The following STPG1 variants were observed in gnomAD, a reference collection of about 807,000 sequenced individuals.
The protein encoded by STPG1 is O(6)-methylguanine-induced apoptosis 2.
Under a neutral mutation model 40.1 loss-of-function variants are expected in STPG1, and 33 were observed. The ratio of observed to expected loss-of-function variants is 0.82; its 90% CI spans 0.62 to 1.10. The LOEUF is 1.10. Ranked by LOEUF, STPG1 falls within the 50% of genes least tolerant of loss-of-function variation. STPG1 has a pLI of 0.00. For missense variants in STPG1, 396 were observed against 415.1 expected, an observed-to-expected ratio of 0.95 and a Z score of 0.40; for synonymous variants, 150 against 155.0, an observed-to-expected ratio of 0.97 and a Z score of 0.24.
At chr1:24,401,861 A>G (rs1175720025) in intron 1 of STPG1, among the ~76,000 whole-genome samples, 1 of 151,936 alleles carries the variant, frequency 6.6e-6, no homozygotes, top group African/African-American at 2.4e-5. Flanking sequence ...TGTAATTTGT[A>G]TTTTTAGCAG....
chr1:24,360,766 T>C (rs964116603), intron 8 of STPG1, 85 bp downstream of exon 8: 14 of 1,267,520 alleles, frequency 1.1e-5, no homozygotes, highest in Non-Finnish European at 1.3e-5. Context: ...AAACAACCTA[T>C]AAATCAATGG....
intron 1 of STPG1, among the ~76,000 whole-genome samples, chr1:24,406,137 T>A (rs1570103342): frequency 6.6e-6 from 1 of 152,098 alleles, no homozygotes; most frequent in Non-Finnish European, 1.5e-5. Context: ...TTGTCTCTTT[T>A]TTTTGGATCT....
chr1:24,377,187 G>A (rs1354713577), intron 5 of STPG1, among the ~76,000 whole-genome samples: 1 of 152,020 alleles, frequency 6.6e-6, no homozygotes, highest in African/African-American at 2.4e-5. Context: ...TTGGGGAGGC[G>A]GAGGTTGCAG....
intron 1 of STPG1, among the ~76,000 whole-genome samples, chr1:24,408,715 A>C (rs1335346433): frequency 2.0e-5 from 3 of 152,214 alleles, no homozygotes; most frequent in Admixed American, 2.0e-4. Flanking sequence ...GCAAGGGCAC[A>C]ATTTAATTTC....
chr1:24,391,442 C>A lies in STPG1; in HGVS notation c.189+119G>T, dbSNP rs2148705300. 6.6e-6 allele frequency: 4 copies of A among 606,446 alleles called. No individual in the cohort carries two copies. In the East Asian group the frequency reaches 1.2e-4, roughly 18 times the overall value. 37.6% of individuals were successfully genotyped at this position (606,446 alleles called of 1,614,324 possible). On this transcript the variant is annotated intron_variant, in intron 3 of 8. Transcript: ENST00000337248. ...CTCAGTGGAGCTGGTGCCGCGGCTC[C>A]TGGGAGCACACTGCCCTCCACTGTC...
intron 7 of STPG1, among the ~76,000 whole-genome samples, chr1:24,367,193 C>T (rs532224848): frequency 6.6e-6 from 1 of 152,162 alleles, no homozygotes; most frequent in Admixed American, 6.5e-5. Flanking sequence ...TGGCTGGAGG[C>T]GTGGTGTCCT....
At position 24,360,889 on chromosome 1, in the gene STPG1, C is replaced by G; in HGVS notation, c.890G>C (p.Trp297Ser). ...GCCTGGCTGAGGCGGCGCCGCTGTCCACCGGCTGGTATTGGACACGAATGA... is the reference window on the plus strand; with the variant it reads ...GCCTGGCTGAGGCGGCGCCGCTGTCGACCGGCTGGTATTGGACACGAATGA... ...SASFVSNTSR[W>S]TAAPPQPGLP... is the part of the protein sequence containing the mutation. The change falls in exon 8 of 9, where the codon TGG becomes TCG. Residue 297 changes from tryptophan to serine, a missense_variant. Trp to Ser is a radical substitution (Grantham distance 177). Coordinates refer to ENST00000337248, the MANE Select transcript of STPG1 (RefSeq NM_001199013.2). The G allele has an allele frequency of 6.2e-7, 1 of 1,613,594 alleles. No individual in the cohort carries two copies. Among genetic ancestry groups the G allele is most frequent in the Non-Finnish European group, 8.5e-7 (1 of 1,179,816 alleles).
chr1:24,384,950 CACA>C (rs1642441163), intron 3 of STPG1, among the ~76,000 whole-genome samples: 1 of 152,194 alleles, frequency 6.6e-6, no homozygotes, highest in East Asian at 1.9e-4. Flanking sequence ...GTTTACTCCT[CACA>C]ACAAGCCTTT....
rs188812225 is a variant in STPG1 at position 24,358,470 on chromosome 1, C to T, written c.*73G>A. ...TGCCACACTCATGATCGGTCTCCTC[C>T]TGAGGAATGTCCTGGGGACGCTGGG... On this transcript the variant is annotated 3_prime_UTR_variant, in exon 9 of 9. Coordinates refer to ENST00000337248, the MANE Select transcript of STPG1 (RefSeq NM_001199013.2). 1.5e-6 allele frequency: 2 copies of T among 1,299,880 alleles called. No individual in the cohort carries two copies. The highest frequency in any genetic ancestry group is 2.9e-5 in the African/African-American group (2 of 68,678). The allele number at this position is 1,299,880 out of a possible 1,614,324, so 80.5% of individuals were successfully genotyped here.
chr1:24,381,542 T>C (rs1403339418), intron 4 of STPG1, among the ~76,000 whole-genome samples: 1 of 152,244 alleles, frequency 6.6e-6, no homozygotes, highest in Non-Finnish European at 1.5e-5. Context: ...ACCTGCCTCA[T>C]ACACTTCTCC....
intron 2 of STPG1, among the ~76,000 whole-genome samples, chr1:24,396,570 TAAAC>T (rs1169245121): frequency 6.6e-6 from 1 of 152,226 alleles, no homozygotes; most frequent in Admixed American, 6.5e-5. Context: ...AGACAATACA[TAAAC>T]AAACTGGGGT....
chr1:24,388,502 G>C (rs982235823), intron 3 of STPG1, among the ~76,000 whole-genome samples: 1 of 152,202 alleles, frequency 6.6e-6, no homozygotes, highest in African/African-American at 2.4e-5. Context: ...GATTCTCATG[G>C]GGAATGTGAG....
intron 4 of STPG1, among the ~76,000 whole-genome samples, chr1:24,382,228 T>A (rs1288643831): frequency 6.6e-6 from 1 of 152,232 alleles, no homozygotes; most frequent in Non-Finnish European, 1.5e-5. Context: ...TCGTGTCCTC[T>A]GATTCAGTCT....
intron 5 of STPG1, among the ~76,000 whole-genome samples, chr1:24,374,323 A>C (rs1438734383): frequency 7.9e-6 from 1 of 126,534 alleles, no homozygotes; most frequent in African/African-American, 3.2e-5. Context: ...CAGTGGCGAG[A>C]TCTCCACTCA....
intron 1 of STPG1, among the ~76,000 whole-genome samples, chr1:24,404,536 G>A (rs1006126901): frequency 1.2e-4 from 18 of 152,152 alleles, no homozygotes; most frequent in Admixed American, 3.3e-4. Context: ...AAGTTAAGCC[G>A]TCTGGGCCTG....
rs1445864436 is a variant in STPG1, at chr1:24,379,673, G to T, written c.442C>A (p.Pro148Thr). ...SFMKALKFET[P>T]APNYYNASVS... ...CTTACATTGTAATAGTTTGGTGCAG[G>T]AGTTTCAAACTTGAGAGCTTTCATA... is the stretch of plus-strand genomic sequence containing the variant. The change falls in exon 5 of 9, where the codon CCT (proline) becomes ACT (threonine). Residue 148 changes from proline to threonine, a missense_variant. By Grantham distance (38) the Pro-to-Thr change is conservative (BLOSUM62 -1). Coordinates refer to ENST00000337248, the MANE Select transcript of STPG1 (RefSeq NM_001199013.2). 1 of 1,614,034 alleles carries T rather than the reference G, an allele frequency of 6.2e-7. No homozygotes were observed. Among genetic ancestry groups the T allele is most frequent in the Non-Finnish European group, 8.5e-7 (1 of 1,180,004 alleles).
At chr1:24,396,285 A>ATCTG (rs1270407664) in intron 2 of STPG1, among the ~76,000 whole-genome samples, 1 of 100,634 alleles carries the variant, frequency 9.9e-6, no homozygotes, top group Non-Finnish European at 2.1e-5. Flanking sequence ...CTATCTATCT[A>ATCTG]TCTATCTATC....
At chr1:24,369,251 TTA>T in intron 7 of STPG1, 2 of 418,596 alleles carry the variant, frequency 4.8e-6, no homozygotes, top group Admixed American at 6.1e-5. Flanking sequence ...AGCGAAGATT[TTA>T]TGTTACAAAA....
At chr1:24,369,556 G>T in intron 7 of STPG1, 118 bp downstream of exon 7, 3 of 1,106,898 alleles carry the variant, frequency 2.7e-6, no homozygotes, top group Non-Finnish European at 4.0e-6. Context: ...AAGGGCCCCT[G>T]AAGAGAGTGG....
Sources: gnomAD v4.1 joint callset for allele counts (sites outside exome capture counted in the v4.1 genomes callset) on GRCh38, gnomAD v4.1.1 for gene constraint, MANE v1.5 for transcripts, NCBI Gene and HGNC (gene_info 2026-07-23, HGNC 2026-07-21) for gene names.